Variants in NAALADL2 observed in about 807,000 individuals in gnomAD.
The protein encoded by NAALADL2 is inactive N-acetylated-alpha-linked acidic dipeptidase-like protein 2.
Under a neutral mutation model 87.2 loss-of-function variants are expected in NAALADL2, and 76 were observed. That is an observed-to-expected ratio of 0.87 (90% confidence interval 0.72 to 1.05). NAALADL2 has a LOEUF of 1.05. Among genes scored for constraint, NAALADL2 ranks in the 50% least tolerant of loss-of-function variants. The pLI, the probability that NAALADL2 is intolerant of heterozygous loss-of-function variation, is 0.00. For missense variants in NAALADL2, 1,089 were observed against 945.8 expected (o/e 1.15, Z -1.99); for synonymous variants, 354 against 331.0 (o/e 1.07, Z -0.75).
At chr3:175,522,724 C>G (rs1051475892) in intron 9 of NAALADL2, among the ~76,000 whole-genome samples, 24 of 152,228 alleles carry the variant, frequency 1.6e-4, no homozygotes, top group Non-Finnish European at 2.1e-4. Flanking sequence ...AGTATACAAC[C>G]TCTAATTTTA....
intron 5 of NAALADL2, among the ~76,000 whole-genome samples, chr3:175,327,148 C>CTTTTTTTTTTTTTTTTT (rs35198621): frequency 2.0e-5 from 2 of 99,512 alleles, no homozygotes; most frequent in African/African-American, 8.4e-5. Flanking sequence ...GTCTACATTT[C>CTTTTTTTTTTTTTTTTT]TTTTTTTTTT....
At chr3:174,932,240 A>G (rs1737008316) in intron 1 of NAALADL2, among the ~76,000 whole-genome samples, 1 of 152,180 alleles carries the variant, frequency 6.6e-6, no homozygotes, top group African/African-American at 2.4e-5. Flanking sequence ...CTAACAGCAT[A>G]TCATTAACCA....
intron 13 of NAALADL2, among the ~76,000 whole-genome samples, chr3:175,797,038 G>GAA (rs1753584182): frequency 6.6e-6 from 1 of 151,866 alleles, no homozygotes; most frequent in South Asian, 2.1e-4. Context: ...ATACCACCTG[G>GAA]AGTTGTTAAT....
At chr3:175,259,603 A>G (rs185717699) in intron 4 of NAALADL2, among the ~76,000 whole-genome samples, 290 of 152,344 alleles carry the variant, frequency 1.9e-3, no homozygotes, top group Non-Finnish European at 3.1e-3. Context: ...GTAGGGGCCA[A>G]TTATATAACT....
intron 10 of NAALADL2, among the ~76,000 whole-genome samples, chr3:175,588,529 C>CTTTTCTTTTTTTTT (rs1720881405): frequency 1.1e-5 from 1 of 94,488 alleles, no homozygotes; most frequent in Non-Finnish European, 2.3e-5. Flanking sequence ...TTCTTTCTTT[C>CTTTTCTTTTTTTTT]TTTTCTTTTT....
intron 2 of NAALADL2, among the ~76,000 whole-genome samples, chr3:174,592,310 C>T (rs1578250013): frequency 1.3e-5 from 2 of 152,150 alleles, no homozygotes; most frequent in African/African-American, 4.8e-5. Context: ...AGGTTAGTTA[C>T]ATATGTATCT....
intron 4 of NAALADL2, among the ~76,000 whole-genome samples, chr3:175,320,394 C>T (rs947784940): frequency 3.3e-5 from 5 of 152,130 alleles, no homozygotes; most frequent in Admixed American, 1.3e-4. Flanking sequence ...AAACATTTAA[C>T]GACGGGGGCA....
At chr3:175,378,455 C>T (rs1354846455) in intron 5 of NAALADL2, among the ~76,000 whole-genome samples, 7 of 152,202 alleles carry the variant, frequency 4.6e-5, no homozygotes, top group Non-Finnish European at 5.9e-5. Context: ...TTCATTTAGT[C>T]GTGAACCTCA....
chr3:174,463,841 G>A (rs34230483), intron 1 of NAALADL2, among the ~76,000 whole-genome samples: 31,885 of 151,916 alleles, frequency 0.21, 3,931 homozygotes, highest in South Asian at 0.34. Context: ...CTTGTGATCC[G>A]CCTGCCTCGG....
chr3:174,682,673 A>G (rs991477479), intron 2 of NAALADL2, among the ~76,000 whole-genome samples: 5 of 152,218 alleles, frequency 3.3e-5, no homozygotes, highest in African/African-American at 4.8e-5. Flanking sequence ...TGCAAGAGCT[A>G]CAGCATTACT....
Position 175,791,931 on chromosome 3 carries a change from G to C in NAALADL2, c.2190-11074G>C, listed in dbSNP as rs1262237176. On this transcript the variant is annotated intron_variant, in intron 13 of 13. Transcript: ENST00000454872. The stretch of plus-strand genomic sequence containing the variant: ...CAAAGCAAAAAAAAAAAACAACCCT[G>C]ATATTTCTACTATTTACTCACAACT... 2.7e-5 allele frequency among the ~76,000 whole-genome samples: 4 copies of C among 147,882 alleles called. No individual in the cohort carries two copies. The East Asian group carries it at 7.9e-4, about 29-fold the overall frequency.
intron 5 of NAALADL2, among the ~76,000 whole-genome samples, chr3:175,394,930 G>A (rs1769572413): frequency 6.6e-6 from 1 of 151,918 alleles, no homozygotes; most frequent in African/African-American, 2.4e-5. Flanking sequence ...CTCAGCATGT[G>A]ATTTTTTTTT....
chr3:174,889,335 CTT>C (rs1001597424), intron 1 of NAALADL2, among the ~76,000 whole-genome samples: 1 of 152,110 alleles, frequency 6.6e-6, no homozygotes, highest in Non-Finnish European at 1.5e-5. Context: ...TTTATAATCT[CTT>C]TTAACTGCTT....
chr3:175,041,191 T>C (rs1338064523), intron 1 of NAALADL2, among the ~76,000 whole-genome samples: 1 of 152,144 alleles, frequency 6.6e-6, no homozygotes, highest in South Asian at 2.1e-4. Flanking sequence ...TAACCACATT[T>C]GGAGTACAGT....
chr3:175,048,002 G>A (rs1400453186), intron 1 of NAALADL2, among the ~76,000 whole-genome samples: 1 of 152,136 alleles, frequency 6.6e-6, no homozygotes, highest in African/African-American at 2.4e-5. Flanking sequence ...GTCAGGAAGT[G>A]GCACTTCATT....
intron 1 of NAALADL2, among the ~76,000 whole-genome samples, chr3:174,514,763 A>G (rs148828077): frequency 6.6e-6 from 1 of 152,036 alleles, no homozygotes; most frequent in African/African-American, 2.4e-5. Flanking sequence ...CAACCTCTGG[A>G]GAGTATAACT....
intron 5 of NAALADL2, among the ~76,000 whole-genome samples, chr3:175,394,081 C>G (rs1769445341): frequency 1.3e-5 from 2 of 151,790 alleles, no homozygotes; most frequent in Non-Finnish European, 1.5e-5. Flanking sequence ...GTCCAAGAAG[C>G]AGATAGCCAA....
chr3:174,504,769 A>G (rs1719100830), intron 1 of NAALADL2, among the ~76,000 whole-genome samples: 1 of 152,176 alleles, frequency 6.6e-6, no homozygotes, highest in African/African-American at 2.4e-5. Context: ...ATAAAGAAGG[A>G]GAAAGCATGC....
At chr3:174,541,549 AGT>A (rs1178926213) in intron 1 of NAALADL2, among the ~76,000 whole-genome samples, 1 of 152,212 alleles carries the variant, frequency 6.6e-6, no homozygotes, top group Non-Finnish European at 1.5e-5. Context: ...ACATATTCTA[AGT>A]GTGTAGTATG....
Sources: gnomAD v4.1 joint callset for allele counts (sites outside exome capture counted in the v4.1 genomes callset) on GRCh38, gnomAD v4.1.1 for gene constraint, MANE v1.5 for transcripts, NCBI Gene and HGNC (gene_info 2026-07-23, HGNC 2026-07-21) for gene names.